The following SMC5 variants were observed in gnomAD, a reference collection of about 807,000 sequenced individuals.
The protein encoded by SMC5 is structural maintenance of chromosomes protein 5.
SMC5 carries 88 observed loss-of-function variants against 148.3 expected under a neutral mutation model. That is an observed-to-expected ratio of 0.59 (90% CI 0.50 to 0.71). The LOEUF is 0.71. Among genes scored for constraint, SMC5 ranks in the 30% least tolerant of loss-of-function variants. The pLI is 0.00. For synonymous variants in SMC5, 421 were observed against 432.8 expected (o/e 0.97, Z 0.34); for missense variants, 1,142 against 1,298.9 (o/e 0.88, Z 1.86).
At chr9:70,334,592 A>G (rs1309912992) in intron 17 of SMC5, among the ~76,000 whole-genome samples, 1 of 152,176 alleles carries the variant, frequency 6.6e-6, no homozygotes, top group Admixed American at 6.5e-5. Flanking sequence ...TGAGCTAAGA[A>G]TAGTTTTCAT....
chr9:70,352,444 C>T lies in SMC5; in HGVS notation c.*113C>T. The T allele has an allele frequency of 1.8e-6, 2 of 1,100,478 alleles. No homozygotes were observed. The highest frequency in any genetic ancestry group is 2.6e-6 in the Non-Finnish European group (2 of 777,988). The allele number at this position is 1,100,478 out of a possible 1,614,324, so 68.2% of individuals were successfully genotyped here. ...AACGAAAAGCAGTTATTTTTGGAAA[C>T]CTGCTTTTAAATACAAATAGGTTGA... On this transcript the variant is annotated 3_prime_UTR_variant, in exon 25 of 25. Coordinates refer to ENST00000361138, the MANE Select transcript of SMC5 (RefSeq NM_015110.4).
At chr9:70,344,040 C>T (rs2118813642) in intron 17 of SMC5, 104 bp from the exon 18 acceptor site, 5 of 616,966 alleles carry the variant, frequency 8.1e-6, no homozygotes, top group Non-Finnish European at 1.2e-5. Context: ...ATTTGATTAT[C>T]ATTATAATCA....
intron 17 of SMC5, among the ~76,000 whole-genome samples, chr9:70,334,489 G>T (rs988138383): frequency 1.3e-5 from 2 of 152,172 alleles, no homozygotes; most frequent in Non-Finnish European, 2.9e-5. Context: ...GAATATATTT[G>T]CAGTACACCT....
rs57487625 is a variant in SMC5, at chr9:70,309,250, T to C, written c.1578+3890T>C. ...ATTTACCACATTGATCAACTCTTCC[T>C]TTCACAAAAGATTTCTCTGTAGCAT... On this transcript the variant is annotated intron_variant, in intron 11 of 24. Coordinates refer to ENST00000361138, the MANE Select transcript of SMC5 (RefSeq NM_015110.4). Among the ~76,000 whole-genome samples the C allele has an allele frequency of 8.3e-3, 1,235 of 149,074 alleles. 17 individuals carry two copies. Among genetic ancestry groups the C allele is most frequent in the African/African-American group, 0.029 (1,191 of 41,136 alleles).
At position 70,309,318 on chromosome 9, in the gene SMC5, CTTTTTTTTTTTTTTTTTT is replaced by C. The variant is rs59694037; in HGVS notation, c.1578+3972_1578+3989del. Among the ~76,000 whole-genome samples the C allele has an allele frequency of 1.3e-3, 99 of 79,170 alleles. 1 individual carries two copies. The highest frequency in any genetic ancestry group is 4.2e-3 in the African/African-American group (93 of 21,886). 51.9% of individuals were successfully genotyped at this position (79,170 alleles called of 152,430 possible). A position where few individuals can be genotyped will look rare whatever the true frequency, so the allele number is the denominator to read the frequency against. Reference sequence around the variant, plus strand: ...ATAGCAGAATTTCTTTTTCCTTTTCCTTTTTTTTTTTTTTTTTTTTTTTTTTTTTTTGGGGACAGGGTC... The same window carrying C: ...ATAGCAGAATTTCTTTTTCCTTTTCCTTTTTTTTTTTTTGGGGACAGGGTC... On this transcript the variant is annotated intron_variant, in intron 11 of 24. Coordinates refer to ENST00000361138, the MANE Select transcript of SMC5 (RefSeq NM_015110.4).
At chr9:70,312,826 C>A (rs934333590) in intron 11 of SMC5, among the ~76,000 whole-genome samples, 8 of 152,022 alleles carry the variant, frequency 5.3e-5, no homozygotes, top group Non-Finnish European at 7.4e-5. Flanking sequence ...TTCTGTTTAC[C>A]AATATTTTAC....
At chr9:70,350,086 T>G (rs2036769117) in intron 22 of SMC5, 28 bp from the exon 23 acceptor site, 1 of 1,520,164 alleles carries the variant, frequency 6.6e-7, no homozygotes, top group Non-Finnish European at 8.9e-7. Flanking sequence ...GGAAACTCAT[T>G]TTTCATCACT....
chr9:70,298,254 T>C, intron 9 of SMC5, 33 bp downstream of exon 9: 1 of 1,586,796 alleles, frequency 6.3e-7, no homozygotes, highest in Non-Finnish European at 8.6e-7. Context: ...GAAATGTTTA[T>C]AAAATGTAGA....
Position 70,314,819 on chromosome 9 carries a change from A to T in SMC5, c.1656A>T (p.Arg552Ser). The change falls in exon 12 of 25, where the codon AGA becomes AGT. Residue 552 changes from arginine (R) to serine (S), a missense_variant. Coordinates refer to ENST00000361138, the MANE Select transcript of SMC5 (RefSeq NM_015110.4). ...CATATGCAGACAAAGCACCTTCAAG[A>T]TCTTTGAATGAACTTAAGTAAGTCT... Reference protein sequence around the residue: ...KSSYADKAPSRSLNELKQYGF... With the variant: ...KSSYADKAPSSSLNELKQYGF... The T allele has an allele frequency of 6.4e-7, 1 of 1,551,568 alleles. No individual in the cohort carries two copies.
Position 70,352,491 on chromosome 9 carries a change from T to G in SMC5, c.*160T>G. On this transcript the variant is annotated 3_prime_UTR_variant, in exon 25 of 25. Coordinates refer to ENST00000361138, the MANE Select transcript of SMC5 (RefSeq NM_015110.4). ...TTGATAATGGAAACTATAATGACCT[T>G]TCCAAAATAGCAGCTGGTAGTAAAA... is the stretch of plus-strand genomic sequence containing the variant. 1 of 662,348 alleles carries G rather than the reference T, an allele frequency of 1.5e-6. No homozygotes were observed. The highest frequency in any genetic ancestry group is 3.5e-5 in the Admixed American group (1 of 28,700). 41.0% of individuals were successfully genotyped at this position (662,348 alleles called of 1,614,324 possible).
At chr9:70,285,490 G>A (rs958628926) in intron 7 of SMC5, among the ~76,000 whole-genome samples, 5 of 152,214 alleles carry the variant, frequency 3.3e-5, no homozygotes, top group Non-Finnish European at 7.3e-5. Flanking sequence ...AAGAAGGAAA[G>A]CAGATGTTCT....
intron 19 of SMC5, 57 bp from the exon 20 acceptor site, chr9:70,347,009 C>T (rs2036682289): frequency 3.9e-6 from 5 of 1,281,792 alleles, no homozygotes; most frequent in Non-Finnish European, 4.5e-6. Context: ...TTTCTTTTAA[C>T]TATTTGAATG....
intron 20 of SMC5, 38 bp from the exon 21 acceptor site, chr9:70,347,575 T>A (rs2036696937): frequency 9.2e-7 from 1 of 1,084,474 alleles, no homozygotes; most frequent in African/African-American, 1.6e-5. Context: ...TATCCTTTGG[T>A]AGATTTATCT....
chr9:70,308,551 C>T (rs761671124), intron 11 of SMC5, among the ~76,000 whole-genome samples: 2 of 128,366 alleles, frequency 1.6e-5, no homozygotes, highest in Non-Finnish European at 3.1e-5. Context: ...GCCAAGATCA[C>T]GCCACTGCAC....
intron 8 of SMC5, among the ~76,000 whole-genome samples, chr9:70,287,158 C>T: frequency 6.6e-6 from 1 of 152,104 alleles, no homozygotes; most frequent in Admixed American, 6.5e-5. Context: ...AAGGAAAAAT[C>T]TTGTTTCAAT....
chr9:70,341,683 C>G (rs2036528136), intron 17 of SMC5, among the ~76,000 whole-genome samples: 1 of 152,138 alleles, frequency 6.6e-6, no homozygotes, highest in South Asian at 2.1e-4. Context: ...TGAGGGCCCG[C>G]TTAATAATAC....
intron 10 of SMC5, among the ~76,000 whole-genome samples, chr9:70,300,909 T>C (rs2035341526): frequency 6.6e-6 from 1 of 151,992 alleles, no homozygotes; most frequent in Non-Finnish European, 1.5e-5. Context: ...TGCTAGATAA[T>C]TTTTTTTCTT....
Position 70,324,034 on chromosome 9 carries a change from T to C in SMC5, c.2288T>C (p.Leu763Ser). The change falls in exon 17 of 25, where the codon TTG (leucine) becomes TCG (serine). Residue 763 changes from leucine (L) to serine (S), a missense_variant. This residue lies in a region of SMC5 where 743 missense variants were observed against 835.7 expected (regional missense o/e 0.89). Coordinates refer to ENST00000361138, the MANE Select transcript of SMC5 (RefSeq NM_015110.4). ...LTNLIKICTSLHIQKVDLILQ... is the reference protein window; with the variant it reads ...LTNLIKICTSSHIQKVDLILQ... ...TTTTGTTCCTAGATTTGTACTTCTT[T>C]GCATATACAAAAAGTAGATTTAATT... is the stretch of plus-strand genomic sequence containing the variant. 2 of 1,575,690 alleles carry C rather than the reference T, an allele frequency of 1.3e-6. No individual in the cohort carries two copies. Among genetic ancestry groups the C allele is most frequent in the Non-Finnish European group, 1.7e-6 (2 of 1,167,486 alleles).
At chr9:70,277,154 A>G (rs1373880154) in intron 3 of SMC5, among the ~76,000 whole-genome samples, 156 bp from the exon 4 acceptor site, 1 of 152,190 alleles carries the variant, frequency 6.6e-6, no homozygotes, top group East Asian at 1.9e-4. Context: ...TAAAATGCCA[A>G]AGTTTCCTTC....
Sources: gnomAD v4.1 joint callset for allele counts (sites outside exome capture counted in the v4.1 genomes callset) on GRCh38, gnomAD v4.1.1 for gene constraint, gnomAD v4.1.1 regional missense constraint, MANE v1.5 for transcripts, NCBI Gene and HGNC (gene_info 2026-07-23, HGNC 2026-07-21) for gene names.